Variants in DGKB observed in about 807,000 individuals in gnomAD.
The protein encoded by DGKB is 90 kDa diacylglycerol kinase.
DGKB carries 67 observed loss-of-function variants against 114.3 expected under a neutral mutation model. The ratio of observed to expected loss-of-function variants is 0.59; its 90% CI spans 0.48 to 0.72. The LOEUF (loss-of-function observed/expected upper bound fraction) is 0.72. DGKB is among the 30% of genes least tolerant of loss of function. The pLI is 0.00. For missense variants in DGKB, 907 were observed against 975.2 expected, an observed-to-expected ratio of 0.93 and a Z score of 0.93; for synonymous variants, 398 against 323.1, an observed-to-expected ratio of 1.23 and a Z score of -2.49.
At chr7:14,915,022 G>T (rs1190425787) in intron 1 of DGKB, among the ~76,000 whole-genome samples, 3 of 152,010 alleles carry the variant, frequency 2.0e-5, no homozygotes, top group African/African-American at 7.2e-5. Context: ...GACTAACCAA[G>T]AATTATGGGA....
chr7:14,474,018 G>A (rs942266087), intron 21 of DGKB, among the ~76,000 whole-genome samples: 2 of 152,170 alleles, frequency 1.3e-5, no homozygotes, highest in African/African-American at 4.8e-5. Flanking sequence ...ATGCTGAAAT[G>A]AATTAAGACT....
intron 13 of DGKB, among the ~76,000 whole-genome samples, chr7:14,652,600 C>G (rs1040475715): frequency 7.3e-5 from 11 of 151,202 alleles, no homozygotes; most frequent in African/African-American, 2.7e-4. Flanking sequence ...GCAAGGACTT[C>G]CTGTCTAAAA....
At chr7:14,619,251 T>C (rs1001999894) in intron 15 of DGKB, among the ~76,000 whole-genome samples, 12 of 151,488 alleles carry the variant, frequency 7.9e-5, no homozygotes, top group Non-Finnish European at 1.8e-4. Context: ...CTGACACTTT[T>C]ATATGTCAAA....
chr7:14,177,749 AAT>A (rs1197527824), intron 24 of DGKB, among the ~76,000 whole-genome samples: 4 of 152,148 alleles, frequency 2.6e-5, no homozygotes, highest in Non-Finnish European at 4.4e-5. Flanking sequence ...TCAGTAGACT[AAT>A]ATGAGTATAA....
chr7:14,542,937 A>T (rs1051976967), intron 20 of DGKB, among the ~76,000 whole-genome samples: 2 of 152,108 alleles, frequency 1.3e-5, no homozygotes, highest in African/African-American at 2.4e-5. Context: ...AAAAACGGAG[A>T]TGGGTTCATT....
rs73064779 is a variant in DGKB, at chr7:14,776,515, T to G, written c.71-18784A>C. Among the ~76,000 whole-genome samples the G allele has an allele frequency of 1.8e-3, 269 of 152,314 alleles. 1 individual carries two copies. The Middle Eastern group carries it at 0.027, about 15-fold the overall frequency. ...GGGACTTGGGGCCTTGCATTCCAGC[T>G]GCTCCAGCTATGGCTAAAAGGGGCC... On this transcript the variant is annotated intron_variant, in intron 2 of 25. Coordinates refer to ENST00000402815, the MANE Select transcript of DGKB (RefSeq NM_001350709.2).
At chr7:14,528,378 A>C (rs1790989748) in intron 20 of DGKB, among the ~76,000 whole-genome samples, 1 of 152,126 alleles carries the variant, frequency 6.6e-6, no homozygotes, top group Non-Finnish European at 1.5e-5. Flanking sequence ...GAATGTCTAC[A>C]ATAATTGCTC....
intron 23 of DGKB, among the ~76,000 whole-genome samples, chr7:14,286,590 T>C (rs1800912403): frequency 6.6e-6 from 1 of 152,162 alleles, no homozygotes; most frequent in African/African-American, 2.4e-5. Flanking sequence ...TATCTGACTT[T>C]GTTACTTATA....
At chr7:14,420,655 A>G (rs1034796246) in intron 21 of DGKB, among the ~76,000 whole-genome samples, 1 of 152,074 alleles carries the variant, frequency 6.6e-6, no homozygotes, top group Non-Finnish European at 1.5e-5. Flanking sequence ...GTTTCTTTGG[A>G]AATTATTATA....
chr7:14,750,177 T>G (rs1249770638), intron 4 of DGKB: 1 of 517,888 alleles, frequency 1.9e-6, no homozygotes. Flanking sequence ...AAGACATAAA[T>G]ATTTCTAGCT....
intron 23 of DGKB, among the ~76,000 whole-genome samples, chr7:14,259,514 C>T (rs888644443): frequency 1.3e-5 from 2 of 150,856 alleles, no homozygotes; most frequent in African/African-American, 4.8e-5. Context: ...GCAACTTCTG[C>T]ATCCCGGCTT....
chr7:14,948,863 G>T (rs937422738), intron 1 of DGKB, among the ~76,000 whole-genome samples: 13 of 150,686 alleles, frequency 8.6e-5, no homozygotes, highest in African/African-American at 3.0e-4. Context: ...AATAAAGAGA[G>T]AACAAACTCC....
chr7:14,739,698 C>A (rs993779786), intron 4 of DGKB, among the ~76,000 whole-genome samples: 5 of 152,278 alleles, frequency 3.3e-5, no homozygotes, highest in Admixed American at 3.3e-4. Flanking sequence ...CGTTTCTGGG[C>A]CTTCCAGTCC....
At chr7:14,692,553 A>T (rs1823055940) in intron 9 of DGKB, among the ~76,000 whole-genome samples, 1 of 152,026 alleles carries the variant, frequency 6.6e-6, no homozygotes, top group African/African-American at 2.4e-5. Context: ...ACAATTAAAT[A>T]AATATTGATA....
At chr7:14,544,518 A>T (rs1320714798) in intron 20 of DGKB, among the ~76,000 whole-genome samples, 2 of 152,190 alleles carry the variant, frequency 1.3e-5, no homozygotes, top group Non-Finnish European at 2.9e-5. Context: ...CATATTTATA[A>T]ATTCACTCAT....
chr7:14,268,664 A>G (rs1375444792), intron 23 of DGKB, among the ~76,000 whole-genome samples: 3 of 152,160 alleles, frequency 2.0e-5, no homozygotes, highest in African/African-American at 7.2e-5. Context: ...TTTCGGGGAA[A>G]TTTTGCCTTT....
At chr7:14,896,070 C>A (rs953715744) in intron 1 of DGKB, among the ~76,000 whole-genome samples, 16 of 151,572 alleles carry the variant, frequency 1.1e-4, no homozygotes, top group Admixed American at 5.3e-4. Flanking sequence ...TCATATAATC[C>A]AAAGGGAGTT....
chr7:14,703,287 T>C (rs1825540580), intron 6 of DGKB, among the ~76,000 whole-genome samples: 2 of 152,176 alleles, frequency 1.3e-5, no homozygotes, highest in Admixed American at 6.5e-5. Context: ...CTGGAGTAAA[T>C]GACTGCAAAA....
intron 21 of DGKB, among the ~76,000 whole-genome samples, chr7:14,458,360 C>A (rs1011550719): frequency 6.6e-6 from 1 of 152,106 alleles, no homozygotes; most frequent in Non-Finnish European, 1.5e-5. Context: ...ATAAATACCT[C>A]TGATAAAACT....
Sources: allele counts gnomAD v4.1 joint callset (sites outside exome capture counted in the v4.1 genomes callset), GRCh38; gene constraint gnomAD v4.1.1; transcripts MANE v1.5; gene names NCBI Gene and HGNC (gene_info 2026-07-23, HGNC 2026-07-21).